The following DHDDS variants were observed in gnomAD, a reference collection of about 807,000 sequenced individuals.
DHDDS encodes dehydrodolichyl diphosphate synthase subunit.
A neutral mutation model predicts 46.2 loss-of-function variants in DHDDS; 16 were observed. That is an observed-to-expected ratio of 0.35 (90% CI 0.23 to 0.53). DHDDS has a LOEUF of 0.53. Among genes scored for constraint, DHDDS ranks in the 20% least tolerant of loss-of-function variants. The probability of loss-of-function intolerance (pLI) is 0.94; values close to 1 mark genes in which losing one functional copy is unlikely to be tolerated. For missense variants in DHDDS, 340 were observed against 423.7 expected, an observed-to-expected ratio of 0.80 and a Z score of 1.73; for synonymous variants, 151 against 163.1, an observed-to-expected ratio of 0.93 and a Z score of 0.56.
intron 6 of DHDDS, among the ~76,000 whole-genome samples, chr1:26,449,890 G>A (rs112178317): frequency 1.1e-4 from 16 of 152,308 alleles, no homozygotes; most frequent in African/African-American, 3.8e-4. Context: ...GGATAGTGGT[G>A]CCCTTCACCA....
At chr1:26,442,149 A>G (rs1411744190) in intron 3 of DHDDS, among the ~76,000 whole-genome samples, 1 of 152,224 alleles carries the variant, frequency 6.6e-6, no homozygotes, top group Non-Finnish European at 1.5e-5. Context: ...TGAAAACAGT[A>G]GTGTCATTTT....
intron 6 of DHDDS, chr1:26,455,056 G>T: frequency 9.7e-7 from 1 of 1,034,216 alleles, no homozygotes; most frequent in Non-Finnish European, 1.5e-6. Flanking sequence ...GGTACTTCAT[G>T]GCTTTTCGTA....
chr1:26,441,878 A>G (rs1382573113), intron 3 of DHDDS, among the ~76,000 whole-genome samples: 1 of 150,462 alleles, frequency 6.6e-6, no homozygotes. Context: ...CCTGGGTGAC[A>G]GAGCAAGACT....
intron 7 of DHDDS, 99 bp downstream of exon 7, chr1:26,458,004 G>T: frequency 9.7e-7 from 1 of 1,032,904 alleles, no homozygotes; most frequent in South Asian, 1.3e-5. Context: ...CAAACAGGCT[G>T]GGGCCAGAGT....
rs11351917 is a variant in DHDDS, at chr1:26,457,565, TAAA to T, written c.543-210_543-208del. On this transcript the variant is annotated intron_variant, in intron 6 of 8. Coordinates refer to ENST00000236342, the MANE Select transcript of DHDDS (RefSeq NM_205861.3). ...GAAAAGAATTTTACATTGTATTCTC[TAAA>T]AAAAAAAAAAAAAAAGAAATACCTT... Among the ~76,000 whole-genome samples the T allele has an allele frequency of 2.0e-3, 278 of 136,558 alleles. 2 individuals carry two copies. Among genetic ancestry groups the T allele is most frequent in the South Asian group, 0.013 (56 of 4,380 alleles). 89.6% of individuals were successfully genotyped at this position (136,558 alleles called of 152,430 possible).
chr1:26,446,981 A>C (rs1477301848), intron 5 of DHDDS, among the ~76,000 whole-genome samples: 1 of 152,182 alleles, frequency 6.6e-6, no homozygotes, highest in East Asian at 1.9e-4. Flanking sequence ...CCAATATCAC[A>C]GTAGAGTCTT....
At chr1:26,454,525 A>T in intron 6 of DHDDS, 12 of 532,116 alleles carry the variant, frequency 2.3e-5, no homozygotes, top group Admixed American at 3.3e-5. Context: ...GTGCACTCAA[A>T]TCTATTATTT....
chr1:26,462,073 T>G (rs566916380), intron 8 of DHDDS, among the ~76,000 whole-genome samples: 87 of 151,396 alleles, frequency 5.7e-4, no homozygotes, highest in Non-Finnish European at 7.5e-4. Context: ...TTTTTTTTTT[T>G]TTTTAGCAGG....
At chr1:26,460,280 A>C (rs1196440104) in intron 8 of DHDDS, 136 bp downstream of exon 8, 2 of 750,954 alleles carry the variant, frequency 2.7e-6, no homozygotes, top group African/African-American at 3.4e-5. Flanking sequence ...CCACCTACTG[A>C]GTATCTACTA....
At chr1:26,454,285 G>GT (rs1376681248) in intron 6 of DHDDS, among the ~76,000 whole-genome samples, 1 of 152,038 alleles carries the variant, frequency 6.6e-6, no homozygotes, top group Non-Finnish European at 1.5e-5. Flanking sequence ...ACAGTCTGCT[G>GT]TATCACTCAG....
chr1:26,433,196 T>C (rs1230509045), intron 2 of DHDDS, 188 bp downstream of exon 2: 1 of 659,176 alleles, frequency 1.5e-6, no homozygotes, highest in African/African-American at 1.8e-5. Context: ...GTCCTAACTC[T>C]GATATTTTCT....
chr1:26,433,780 G>C (rs572339391), intron 2 of DHDDS, among the ~76,000 whole-genome samples: 1 of 151,982 alleles, frequency 6.6e-6, no homozygotes, highest in African/African-American at 2.4e-5. Flanking sequence ...CTGTCGCCCA[G>C]GCTGGAGTGC....
chr1:26,466,815 G>C (rs1230489993), intron 8 of DHDDS, among the ~76,000 whole-genome samples: 4 of 152,194 alleles, frequency 2.6e-5, no homozygotes, highest in Non-Finnish European at 5.9e-5. Flanking sequence ...CAAGCAGTAG[G>C]CTGAAAATTC....
chr1:26,455,943 A>G (rs1357122557), intron 6 of DHDDS, among the ~76,000 whole-genome samples: 1 of 152,132 alleles, frequency 6.6e-6, no homozygotes, highest in African/African-American at 2.4e-5. Context: ...GCTTCTGGGT[A>G]GTTGGTAGGA....
At chr1:26,449,644 C>T (rs2075301511) in intron 6 of DHDDS, among the ~76,000 whole-genome samples, 1 of 152,102 alleles carries the variant, frequency 6.6e-6, no homozygotes, top group African/African-American at 2.4e-5. Flanking sequence ...CTGCAACCTC[C>T]GCCTCCTGGG....
chr1:26,451,242 G>A (rs181160947), intron 6 of DHDDS, among the ~76,000 whole-genome samples: 82 of 152,212 alleles, frequency 5.4e-4, no homozygotes, highest in African/African-American at 1.9e-3. Context: ...GGCCTGAGGC[G>A]TTACACTTTA....
At chr1:26,450,948 T>C (rs1226476998) in intron 6 of DHDDS, among the ~76,000 whole-genome samples, 1 of 152,226 alleles carries the variant, frequency 6.6e-6, no homozygotes, top group Non-Finnish European at 1.5e-5. Context: ...GAAAGCCATT[T>C]GACAAGCAGA....
In DHDDS at chr1:26,436,621, C is replaced by T. The variant is rs879320490; in HGVS notation, c.64-1547C>T. 8.4e-4 allele frequency among the ~76,000 whole-genome samples: 128 copies of T among 151,646 alleles called. 1 individual carries two copies. Among genetic ancestry groups the T allele is most frequent in the Non-Finnish European group, 1.4e-3 (98 of 67,924 alleles). ...TGTATTTTTAGTAGAGACGGGGTTT[C>T]ACCGTGTTAGCCAGGATGGGCTCGA... On this transcript the variant is annotated intron_variant, in intron 2 of 8. Coordinates refer to ENST00000236342, the MANE Select transcript of DHDDS (RefSeq NM_205861.3).
intron 6 of DHDDS, among the ~76,000 whole-genome samples, chr1:26,456,951 T>C (rs971918379): frequency 2.0e-5 from 3 of 152,210 alleles, no homozygotes. Context: ...TGCATTTAGA[T>C]TTATCTTTAT....
Sources: allele counts gnomAD v4.1 joint callset (sites outside exome capture counted in the v4.1 genomes callset), GRCh38; gene constraint gnomAD v4.1.1; transcripts MANE v1.5; gene names NCBI Gene and HGNC (gene_info 2026-07-23, HGNC 2026-07-21).